CEACAM4: variants seen among roughly 807,000 people sequenced by gnomAD.
CEACAM4 encodes CEA cell adhesion molecule 4.
A neutral mutation model predicts 28.7 loss-of-function variants in CEACAM4; 30 were observed. That is an observed-to-expected ratio of 1.05 (90% CI 0.78 to 1.42). The LOEUF is 1.42. CEACAM4 is among the 40% of genes most tolerant of loss of function. CEACAM4 has a pLI of 0.00. For missense variants in CEACAM4, 330 were observed against 308.2 expected (o/e 1.07, Z -0.53); for synonymous variants, 143 against 126.5 (o/e 1.13, Z -0.87).
intron 1 of CEACAM4, 120 bp from the exon 2 acceptor site, chr19:41,626,080 GT>G: frequency 7.5e-6 from 2 of 264,950 alleles, no homozygotes; most frequent in Non-Finnish European, 1.2e-5. Flanking sequence ...GTGTGTGTGT[GT>G]GTGTGTGTGT....
intron 6 of CEACAM4, 78 bp downstream of exon 6, chr19:41,619,592 C>G: frequency 6.4e-7 from 1 of 1,562,576 alleles, no homozygotes; most frequent in Admixed American, 1.9e-5. Context: ...TGAATCTGAG[C>G]TCAGCCAGGT....
chr19:41,615,501 G>A (rs1452861654), downstream of CEACAM4, among the ~76,000 whole-genome samples: 1 of 152,100 alleles, frequency 6.6e-6, no homozygotes, highest in Non-Finnish European at 1.5e-5. Context: ...TTCTTAAAAT[G>A]TACATGGCAT....
chr19:41,621,678 C>A lies in CEACAM4; in HGVS notation c.515G>T (p.Cys172Phe). The A allele has an allele frequency of 6.2e-7, 1 of 1,610,054 alleles. No individual in the cohort carries two copies. Among genetic ancestry groups the A allele is most frequent in the East Asian group, 2.2e-5 (1 of 44,858 alleles). ...VGVALVAALVCFLLLSRTGRA... is the reference protein window; with the variant it reads ...VGVALVAALVFFLLLSRTGRA... ...TCCAGTCCTGGAGAGAAGCAGAAAA[C>A]ACACCAGGGCGGCCACCAGAGCCAC... Residue 172 changes from cysteine to phenylalanine, a missense_variant, in exon 3 of 7, where the codon TGT (cysteine) becomes TTT (phenylalanine). By Grantham distance (205) the Cys-to-Phe change is radical. Transcript: ENST00000221954.
chr19:41,616,749 C>T (rs1188801371), downstream of CEACAM4, among the ~76,000 whole-genome samples: 2 of 152,066 alleles, frequency 1.3e-5, no homozygotes, highest in Non-Finnish European at 2.9e-5. Flanking sequence ...TCAGCGGATG[C>T]TCCAGGCTGA....
In CEACAM4 at chr19:41,625,866, TAGA is replaced by T. The variant is rs2071613249; in HGVS notation, c.156_158del (p.Leu54del). On this transcript the variant is annotated inframe_deletion, in exon 2 of 7. Transcript: ENST00000221954. ...TAGTTTCTGAAATATTGCAGGCCAG[TAGA>T]AGAACATCCTTTCCCTCTGCAGCAC... is the stretch of plus-strand genomic sequence containing the variant. 6.2e-7 allele frequency: 1 copy of T among 1,613,912 alleles called. No individual in the cohort carries two copies.
chr19:41,623,412 G>A (rs2109246), intron 2 of CEACAM4, among the ~76,000 whole-genome samples: 13,624 of 141,226 alleles, frequency 0.096, 1,197 homozygotes, highest in East Asian at 0.34. Flanking sequence ...TCTGTCTTTC[G>A]AACTGCATTT....
downstream of CEACAM4, among the ~76,000 whole-genome samples, chr19:41,615,314 A>G (rs1555798693): frequency 6.6e-6 from 1 of 151,134 alleles, no homozygotes; most frequent in African/African-American, 2.4e-5. Flanking sequence ...TGGGAGGGGG[A>G]GCTGGTGGTC....
At position 41,625,676 on chromosome 19, in the gene CEACAM4, C is replaced by A. The variant is rs559349148; in HGVS notation, c.349G>T (p.Ala117Ser). 5.0e-6 allele frequency: 8 copies of A among 1,612,790 alleles called. No homozygotes were observed. The African/African-American group carries it at 8.0e-5, about 16-fold the overall frequency. ...LLFQNITLED[A>S]GSYTLRTINA... is the part of the protein sequence containing the mutation. ...ATGGTTCGTAGGGTGTAGGATCCTG[C>A]GTCCTCCAGGGTGATGTTTTGGAAC... The change falls in exon 2 of 7, where the codon GCA (alanine) becomes TCA (serine). Residue 117 changes from alanine to serine, a missense_variant. Coordinates refer to ENST00000221954, the MANE Select transcript of CEACAM4 (RefSeq NM_001817.4).
At position 41,619,346 on chromosome 19, in the gene CEACAM4, G is replaced by T; in HGVS notation, c.719C>A (p.Ala240Glu). ...CAGAGGAACCTAAGAGACCACATCT[G>T]CTTTGTGGTCGATCTGGCAGTAAAT... ...ANIYCQIDHKADVVS is the reference protein window; with the variant it reads ...ANIYCQIDHKEDVVS Residue 240 changes from alanine (A) to glutamate (E), a missense_variant, in exon 7 of 7, where the codon GCA becomes GAA. Ala to Glu is a moderately radical substitution (Grantham distance 107). Coordinates refer to ENST00000221954, the MANE Select transcript of CEACAM4 (RefSeq NM_001817.4). 2 of 1,613,770 alleles carry T rather than the reference G, an allele frequency of 1.2e-6. No homozygotes were observed. The highest frequency in any genetic ancestry group is 1.7e-6 in the Non-Finnish European group (2 of 1,179,652).
downstream of CEACAM4, among the ~76,000 whole-genome samples, chr19:41,615,707 G>C (rs1448269554): frequency 6.6e-6 from 1 of 151,870 alleles, no homozygotes; most frequent in African/African-American, 2.4e-5. Context: ...GTGAGGACAG[G>C]ACAGAGAGGA....
chr19:41,616,290 C>T (rs1280029215), downstream of CEACAM4, among the ~76,000 whole-genome samples: 5 of 152,122 alleles, frequency 3.3e-5, no homozygotes, highest in Non-Finnish European at 7.4e-5. Flanking sequence ...CCTCAGCCTC[C>T]AAAAGTGCTG....
intron 3 of CEACAM4, 142 bp from the exon 4 acceptor site, chr19:41,620,769 C>T (rs1033847693): frequency 2.7e-6 from 2 of 730,662 alleles, no homozygotes; most frequent in South Asian, 1.5e-5. Flanking sequence ...TAGGAGCGGC[C>T]GAGGACGGGG....
rs73562925 is a variant in CEACAM4 at position 41,619,650 on chromosome 19, C to T, written c.669+20G>A. The T allele has an allele frequency of 1.2e-3, 1,964 of 1,589,786 alleles. 22 individuals are homozygous for T. In the African/African-American group the frequency reaches 0.023, roughly 19 times the overall value. On this transcript the variant is annotated intron_variant, in intron 6 of 6. Coordinates refer to ENST00000221954, the MANE Select transcript of CEACAM4 (RefSeq NM_001817.4). The stretch of plus-strand genomic sequence containing the variant: ...TCCCCTGGAGCCTGCGGGACCAGAA[C>T]ATCCATGGCCCACACTCACCTCATA...
chr19:41,626,891 T>A lies in CEACAM4; in HGVS notation c.64+9A>T, dbSNP rs782161586. ...TCTTCCCACCACTCCCAGAGAGTCC[T>A]CCCCTCACCTGTGATCAGGAGCCCC... On this transcript the variant is annotated intron_variant, in intron 1 of 6. Coordinates refer to ENST00000221954, the MANE Select transcript of CEACAM4 (RefSeq NM_001817.4). 1 of 1,610,746 alleles carries A rather than the reference T, an allele frequency of 6.2e-7. No individual in the cohort carries two copies. Among genetic ancestry groups the A allele is most frequent in the Non-Finnish European group, 8.5e-7 (1 of 1,177,920 alleles).
At chr19:41,622,406 T>C (rs1030787207) in intron 2 of CEACAM4, among the ~76,000 whole-genome samples, 15 of 152,178 alleles carry the variant, frequency 9.9e-5, no homozygotes, top group African/African-American at 3.1e-4. Flanking sequence ...TTCCATTCCA[T>C]GATTGTCACA....
downstream of CEACAM4, among the ~76,000 whole-genome samples, chr19:41,618,200 A>G (rs2071036058): frequency 6.6e-6 from 1 of 152,136 alleles, no homozygotes. Flanking sequence ...GCTGTGGGCC[A>G]GGGAGAGGAG....
chr19:41,620,303 G>A, intron 4 of CEACAM4, 61 bp from the exon 5 acceptor site: 2 of 1,355,298 alleles, frequency 1.5e-6, no homozygotes, highest in East Asian at 2.8e-5. Context: ...CCTCCTGCAG[G>A]AGAGTGTAGG....
At chr19:41,622,851 T>C (rs7507365) in intron 2 of CEACAM4, among the ~76,000 whole-genome samples, 1 of 115,872 alleles carries the variant, frequency 8.6e-6, no homozygotes, top group Admixed American at 8.2e-5. Flanking sequence ...TATATACATA[T>C]ATATAGATAG....
In CEACAM4 at chr19:41,624,398, C is replaced by T. The variant is rs146263385; in HGVS notation, c.424+1203G>A. ...TGATACCCACACATCAGAAAACACA[C>T]GAAACCATTTCATGTCCAGAGATGC... On this transcript the variant is annotated intron_variant, in intron 2 of 6. Transcript: ENST00000221954. Among the ~76,000 whole-genome samples, 10 of 152,284 alleles carry T rather than the reference C, an allele frequency of 6.6e-5. No homozygotes were observed. In the East Asian group the frequency reaches 7.7e-4, roughly 12 times the overall value.
Sources: gnomAD v4.1 joint callset for allele counts (sites outside exome capture counted in the v4.1 genomes callset) on GRCh38, gnomAD v4.1.1 for gene constraint, MANE v1.5 for transcripts, NCBI Gene and HGNC (gene_info 2026-07-23, HGNC 2026-07-21) for gene names.